The following HMCES variants were observed in gnomAD, a reference collection of about 807,000 sequenced individuals.
HMCES encodes abasic site processing protein HMCES.
HMCES carries 27 observed loss-of-function variants against 35.1 expected under a neutral mutation model. That is an observed-to-expected ratio of 0.77 (90% CI 0.57 to 1.06). The LOEUF (loss-of-function observed/expected upper bound fraction) is 1.06, where lower values mean the gene tolerates loss of function less well. HMCES is among the 50% of genes least tolerant of loss of function. HMCES has a pLI of 0.00. For missense variants in HMCES, 391 were observed against 430.4 expected (o/e 0.91, Z 0.81); for synonymous variants, 130 against 154.7 (o/e 0.84, Z 1.18).
chr3:129,282,836 G>T (rs1940535369), intron 2 of HMCES, among the ~76,000 whole-genome samples: 1 of 152,122 alleles, frequency 6.6e-6, no homozygotes, highest in African/African-American at 2.4e-5. Context: ...AGTCCAAAAG[G>T]GTAGAGGAAA....
At chr3:129,287,193 T>TG (rs1314307014) in intron 2 of HMCES, among the ~76,000 whole-genome samples, 1 of 149,706 alleles carries the variant, frequency 6.7e-6, no homozygotes, top group Non-Finnish European at 1.5e-5. Flanking sequence ...ACAGTGTTTT[T>TG]GTTTTTTTTT....
intron 2 of HMCES, among the ~76,000 whole-genome samples, chr3:129,286,510 G>A (rs1279958616): frequency 6.6e-6 from 1 of 152,200 alleles, no homozygotes; most frequent in Non-Finnish European, 1.5e-5. Context: ...TTCTCAATGG[G>A]AGGAGTGTCA....
chr3:129,303,872 A>G (rs9841863), intron 6 of HMCES, among the ~76,000 whole-genome samples: 7,575 of 151,842 alleles, frequency 0.05, 235 homozygotes, highest in Non-Finnish European at 0.077. Context: ...CCTCCCAGGT[A>G]GCTGGGACTA....
At chr3:129,298,331 C>A in intron 4 of HMCES, 23 bp from the exon 5 acceptor site, 3 of 1,612,240 alleles carry the variant, frequency 1.9e-6, no homozygotes, top group Non-Finnish European at 2.5e-6. Flanking sequence ...TGCATCTAAT[C>A]TGCCCATATA....
intron 4 of HMCES, among the ~76,000 whole-genome samples, chr3:129,296,704 T>G (rs2071097295): frequency 6.6e-6 from 1 of 152,218 alleles, no homozygotes; most frequent in Admixed American, 6.5e-5. Context: ...TGGGGTTAAG[T>G]CAGTCTTGTC....
At chr3:129,295,373 G>A (rs1267371184) in intron 4 of HMCES, among the ~76,000 whole-genome samples, 2 of 149,550 alleles carry the variant, frequency 1.3e-5, no homozygotes, top group Non-Finnish European at 3.0e-5. Flanking sequence ...GGAGGTCGAA[G>A]TTGCAGTGAG....
chr3:129,302,136 C>CA lies in HMCES; in HGVS notation c.827dup (p.Glu277GlyfsTer8), dbSNP rs1259586777. The CA allele has an allele frequency of 1.9e-6, 3 of 1,608,602 alleles. No individual in the cohort carries two copies. Among genetic ancestry groups the CA allele is most frequent in the Non-Finnish European group, 1.7e-6 (2 of 1,178,256 alleles). The stretch of plus-strand genomic sequence containing the variant: ...GTCTGGCTCCTGTCGACTTGGTGGT[C>CA]AAAAAGGTAGGGGCCTGTGACTGGT... On this transcript the variant is annotated frameshift_variant, in exon 6 of 7. Coordinates refer to ENST00000383463, the MANE Select transcript of HMCES (RefSeq NM_020187.3). LOFTEE classifies it high-confidence loss of function.
intron 4 of HMCES, among the ~76,000 whole-genome samples, chr3:129,296,222 TA>T (rs1247453809): frequency 1.3e-5 from 2 of 152,088 alleles, no homozygotes; most frequent in South Asian, 2.1e-4. Flanking sequence ...CATGCCCAGC[TA>T]ATTTTTTTTG....
intron 6 of HMCES, among the ~76,000 whole-genome samples, chr3:129,304,366 C>G (rs2071209113): frequency 6.6e-6 from 1 of 152,194 alleles, no homozygotes; most frequent in South Asian, 2.1e-4. Flanking sequence ...TCTGGCTGGT[C>G]CCACACAATC....
At chr3:129,285,501 C>G (rs1487243491) in intron 2 of HMCES, among the ~76,000 whole-genome samples, 19 of 151,680 alleles carry the variant, frequency 1.3e-4, no homozygotes, top group African/African-American at 4.6e-4. Context: ...GCCCAGGCTG[C>G]AGTGCAGTGG....
intron 3 of HMCES, among the ~76,000 whole-genome samples, chr3:129,289,515 G>T (rs1348342014): frequency 6.6e-6 from 1 of 152,134 alleles, no homozygotes; most frequent in Non-Finnish European, 1.5e-5. Context: ...CATTACTTAT[G>T]CTGTATTCTT....
chr3:129,294,505 T>A (rs1322440410), intron 4 of HMCES, among the ~76,000 whole-genome samples: 1 of 152,268 alleles, frequency 6.6e-6, no homozygotes, highest in Non-Finnish European at 1.5e-5. Context: ...ACATTCTGTC[T>A]TTATACACTA....
rs1443629532 is a variant in HMCES, at chr3:129,288,838, C to T, written c.184-16C>T. The T allele has an allele frequency of 5.4e-6, 8 of 1,489,792 alleles. No individual in the cohort carries two copies. Among genetic ancestry groups the T allele is most frequent in the Non-Finnish European group, 7.3e-6 (8 of 1,098,674 alleles). The allele number at this position is 1,489,792 out of a possible 1,614,324, so 92.3% of individuals were successfully genotyped here. A position where few individuals can be genotyped will look rare whatever the true frequency, so the allele number is the denominator to read the frequency against. The stretch of plus-strand genomic sequence containing the variant: ...TTTCATTATGATCTCCTCACTAGAT[C>T]TTCTCTCCGTGGCAGGATGCAGACT... On this transcript the variant is annotated splice_polypyrimidine_tract_variant and intron_variant, in intron 2 of 6. Transcript: ENST00000383463.
Position 129,302,087 on chromosome 3 carries a change from A to G in HMCES, c.773A>G (p.Asn258Ser), listed in dbSNP as rs779281632. The G allele has an allele frequency of 7.4e-6, 12 of 1,613,890 alleles. No homozygotes were observed. The Admixed American group carries it at 8.3e-5, about 11-fold the overall frequency. The change falls in exon 6 of 7, where the codon AAC (asparagine) becomes AGC (serine). Residue 258 changes from asparagine (N) to serine (S), a missense_variant. Coordinates refer to ENST00000383463, the MANE Select transcript of HMCES (RefSeq NM_020187.3). The stretch of plus-strand genomic sequence containing the variant: ...CATGCAGTCTCTTCTGTGGTGAACA[A>G]CTCGCGAAACAACACTCCTGAGTGT... ...TFHAVSSVVN[N>S]SRNNTPECLA...
At chr3:129,287,798 G>A (rs1016847804) in intron 2 of HMCES, among the ~76,000 whole-genome samples, 9 of 152,158 alleles carry the variant, frequency 5.9e-5, no homozygotes, top group African/African-American at 1.9e-4. Flanking sequence ...AGGGGCTCAT[G>A]CCTGTAATCA....
chr3:129,304,630 G>C lies in HMCES; in HGVS notation c.870G>C (p.Trp290Cys), dbSNP rs759973871. 8.7e-6 allele frequency: 14 copies of C among 1,614,106 alleles called. No homozygotes were observed. The African/African-American group carries it at 1.7e-4, about 20-fold the overall frequency. The change falls in exon 7 of 7, where the codon TGG (tryptophan) becomes TGC (cysteine). Residue 290 changes from tryptophan to cysteine, a missense_variant. Trp to Cys is a radical substitution (Grantham distance 215, BLOSUM62 -2). Transcript: ENST00000383463. Reference sequence around the variant, plus strand: ...GCAGTAGCCAGAGGATGTTGCAGTGGTTGGCCACAAAGTCACCCAAAAAGG... The same window carrying C: ...GCAGTAGCCAGAGGATGTTGCAGTGCTTGGCCACAAAGTCACCCAAAAAGG... ...ASGSSQRMLQWLATKSPKKED... is the reference protein window; with the variant it reads ...ASGSSQRMLQCLATKSPKKED...
At chr3:129,285,057 A>G (rs1347598291) in intron 2 of HMCES, among the ~76,000 whole-genome samples, 1 of 152,190 alleles carries the variant, frequency 6.6e-6, no homozygotes, top group Non-Finnish European at 1.5e-5. Flanking sequence ...TCCTTTCTTC[A>G]GATTCCATTC....
chr3:129,285,668 T>C (rs1940617393), intron 2 of HMCES, among the ~76,000 whole-genome samples: 1 of 151,692 alleles, frequency 6.6e-6, no homozygotes. Flanking sequence ...TTAGCCAGGA[T>C]GGTCTCGATC....
chr3:129,296,960 G>C (rs1402264486), intron 4 of HMCES, among the ~76,000 whole-genome samples: 1 of 152,010 alleles, frequency 6.6e-6, no homozygotes, highest in East Asian at 1.9e-4. Context: ...GGATGGTCTC[G>C]ATCTCCTGAC....
Sources: allele counts gnomAD v4.1 joint callset (sites outside exome capture counted in the v4.1 genomes callset), GRCh38; gene constraint gnomAD v4.1.1; transcripts MANE v1.5; gene names NCBI Gene and HGNC (gene_info 2026-07-23, HGNC 2026-07-21).